PRIM2: variants seen among roughly 807,000 people sequenced by gnomAD.
The protein encoded by PRIM2 is DNA primase subunit 2, also known as DNA primase large subunit.
PRIM2 carries 39 observed loss-of-function variants against 67.3 expected under a neutral mutation model. The ratio of observed to expected loss-of-function variants is 0.58; its 90% CI spans 0.45 to 0.76. PRIM2 has a LOEUF of 0.76. Among genes scored for constraint, PRIM2 ranks in the 30% least tolerant of loss-of-function variants. The pLI is 0.00. For synonymous variants in PRIM2, 143 were observed against 198.7 expected (o/e 0.72, Z 2.36); for missense variants, 398 against 598.7 (o/e 0.66, Z 3.50).
intron 7 of PRIM2, among the ~76,000 whole-genome samples, chr6:57,483,325 G>A (rs1468307616): frequency 6.6e-6 from 1 of 152,092 alleles, no homozygotes; most frequent in Non-Finnish European, 1.5e-5. Context: ...TGTTCAAACA[G>A]CAGCAGCAGC....
chr6:57,435,695 C>T (rs937510382), intron 7 of PRIM2, among the ~76,000 whole-genome samples: 14 of 152,132 alleles, frequency 9.2e-5, no homozygotes, highest in Non-Finnish European at 2.1e-4. Context: ...CTCATGGGTA[C>T]CTTCTTATTT....
At chr6:57,318,414 C>G in intron 1 of PRIM2, 23 bp from the exon 2 acceptor site, 3 of 1,544,896 alleles carry the variant, frequency 1.9e-6, no homozygotes, top group Non-Finnish European at 2.6e-6. Flanking sequence ...TCATTTTACG[C>G]TTTTTGTGTA....
the PRIM2 span, among the ~76,000 whole-genome samples, chr6:57,226,468 G>T: frequency 2.0e-5 from 3 of 152,248 alleles, no homozygotes; most frequent in African/African-American, 7.2e-5. Flanking sequence ...AAGGGAGCCA[G>T]TGTGCAGGAG....
intron 10 of PRIM2, among the ~76,000 whole-genome samples, chr6:57,587,958 G>A (rs1776223934): frequency 1.3e-5 from 2 of 152,140 alleles, no homozygotes; most frequent in East Asian, 3.9e-4. Flanking sequence ...AATGATATTG[G>A]GGAATCCTGG....
At chr6:57,476,075 G>A (rs1368579959) in intron 7 of PRIM2, among the ~76,000 whole-genome samples, 19 of 151,932 alleles carry the variant, frequency 1.3e-4, no homozygotes, top group Non-Finnish European at 1.9e-4. Context: ...CTCTGATGTC[G>A]CTTTGGGTGT....
At chr6:57,561,384 G>T (rs1422847711) in intron 10 of PRIM2, among the ~76,000 whole-genome samples, 1 of 151,970 alleles carries the variant, frequency 6.6e-6, no homozygotes, top group Non-Finnish European at 1.5e-5. Flanking sequence ...GGCGCACGCC[G>T]CCACACCCGG....
intron 7 of PRIM2, among the ~76,000 whole-genome samples, chr6:57,505,928 T>G (rs1328057005): frequency 3.3e-5 from 5 of 152,096 alleles, no homozygotes; most frequent in African/African-American, 1.2e-4. Flanking sequence ...ATCATTTAAA[T>G]CGTTTTAGAA....
At chr6:57,233,589 T>G in the PRIM2 span, among the ~76,000 whole-genome samples, 5 of 147,086 alleles carry the variant, frequency 3.4e-5, no homozygotes, top group South Asian at 6.8e-4. Context: ...TCTTTCCTCC[T>G]TCCCTCCTCC....
intron 10 of PRIM2, among the ~76,000 whole-genome samples, chr6:57,595,757 C>T (rs1776354832): frequency 6.6e-6 from 1 of 152,154 alleles, no homozygotes. Flanking sequence ...ACCTTCCATG[C>T]CCTCTCTGGG....
chr6:57,491,412 A>G lies in PRIM2; in HGVS notation c.694-15975A>G, dbSNP rs1404891058. Among the ~76,000 whole-genome samples the G allele has an allele frequency of 1.2e-3, 190 of 152,338 alleles. 5 individuals are homozygous for G. In the East Asian group the frequency reaches 0.016, roughly 13 times the overall value. ...TTTTCTATATAACCTTCCTGATTGA[A>G]AAAGATACAGGGTGGCAGGTCATGA... On this transcript the variant is annotated intron_variant, in intron 7 of 13. Transcript: ENST00000615550.
chr6:57,528,587 A>G (rs1457639745), intron 8 of PRIM2, among the ~76,000 whole-genome samples: 8 of 152,292 alleles, frequency 5.3e-5, no homozygotes, highest in South Asian at 4.1e-4. Flanking sequence ...CTCAATAACT[A>G]TAATTCTGTT....
intron 7 of PRIM2, among the ~76,000 whole-genome samples, chr6:57,453,134 C>T (rs1772616908): frequency 6.6e-6 from 1 of 152,090 alleles, no homozygotes; most frequent in African/African-American, 2.4e-5. Context: ...TGTTCTGTTC[C>T]ATTAGTCTAT....
chr6:57,526,975 G>A (rs1554349462), intron 8 of PRIM2, among the ~76,000 whole-genome samples: 2 of 152,270 alleles, frequency 1.3e-5, no homozygotes, highest in African/African-American at 2.4e-5. Context: ...GAAAGCTGGC[G>A]CTGAGCTCTG....
intron 7 of PRIM2, among the ~76,000 whole-genome samples, chr6:57,409,553 C>T (rs1771014769): frequency 1.3e-5 from 2 of 152,246 alleles, no homozygotes; most frequent in East Asian, 1.9e-4. Context: ...GAGAAATTGC[C>T]AAACTATTTC....
intron 10 of PRIM2, among the ~76,000 whole-genome samples, chr6:57,599,910 C>G (rs1344436396): frequency 1.4e-4 from 22 of 152,208 alleles, no homozygotes; most frequent in Non-Finnish European, 2.9e-4. Context: ...GCCTCAGGCT[C>G]CTGAGTAGCT....
intron 8 of PRIM2, among the ~76,000 whole-genome samples, chr6:57,526,095 G>A (rs1554349358): frequency 6.6e-6 from 1 of 152,082 alleles, no homozygotes; most frequent in Non-Finnish European, 1.5e-5. Context: ...GCATTTATAT[G>A]GTTCTGTTTC....
At chr6:57,473,756 C>T (rs1773395177) in intron 7 of PRIM2, among the ~76,000 whole-genome samples, 1 of 152,024 alleles carries the variant, frequency 6.6e-6, no homozygotes, top group African/African-American at 2.4e-5. Flanking sequence ...CCCTGGCAAC[C>T]CTCTTAAGTT....
chr6:57,252,617 T>G, the PRIM2 span, among the ~76,000 whole-genome samples: 1 of 152,200 alleles, frequency 6.6e-6, no homozygotes, highest in Non-Finnish European at 1.5e-5. Flanking sequence ...TTTTTTGTGT[T>G]TTTAGTGGAG....
At chr6:57,224,422 G>T in the PRIM2 span, among the ~76,000 whole-genome samples, 1 of 152,164 alleles carries the variant, frequency 6.6e-6, no homozygotes, top group Non-Finnish European at 1.5e-5. Context: ...GTGGGAAGTG[G>T]TTGTGGGAAA....
Sources: gnomAD v4.1 joint callset for allele counts (sites outside exome capture counted in the v4.1 genomes callset) on GRCh38, gnomAD v4.1.1 for gene constraint, MANE v1.5 for transcripts, NCBI Gene and HGNC (gene_info 2026-07-23, HGNC 2026-07-21) for gene names.